ZFPM2: variants seen among roughly 807,000 people sequenced by gnomAD.
ZFPM2 encodes zinc finger protein ZFPM2.
ZFPM2 carries 20 observed loss-of-function variants against 98.6 expected under a neutral mutation model. The ratio of observed to expected loss-of-function variants is 0.20; its 90% CI spans 0.14 to 0.29. ZFPM2 has a LOEUF of 0.29. ZFPM2 is among the 10% of genes least tolerant of loss of function. The pLI is 1.00. For missense variants in ZFPM2, 1,310 were observed against 1,388.6 expected (o/e 0.94, Z 0.90); for synonymous variants, 518 against 502.7 (o/e 1.03, Z -0.41).
chr8:105,342,414 A>G (rs900944549), intron 1 of ZFPM2, among the ~76,000 whole-genome samples: 1 of 152,044 alleles, frequency 6.6e-6, no homozygotes, highest in Non-Finnish European at 1.5e-5. Context: ...CTCTTGATGG[A>G]AGGGCACAAC....
chr8:105,445,189 T>C (rs1372272701), intron 3 of ZFPM2, among the ~76,000 whole-genome samples: 1 of 152,180 alleles, frequency 6.6e-6, no homozygotes, highest in Non-Finnish European at 1.5e-5. Context: ...TGCAAATTGC[T>C]CTCTGCTGTA....
At position 105,543,304 on chromosome 8, in the gene ZFPM2, G is replaced by A. The variant is rs536936781; in HGVS notation, c.302-18059G>A. 3.9e-5 allele frequency among the ~76,000 whole-genome samples: 6 copies of A among 152,204 alleles called. No individual in the cohort carries two copies. The East Asian group carries it at 5.8e-4, about 15-fold the overall frequency. On this transcript the variant is annotated intron_variant, in intron 3 of 7. Transcript: ENST00000407775. Reference sequence around the variant, plus strand: ...AGTTTGAGGCCAGCCTGGGCAACACGGTGAAACTCCATCTCTACAGAAGAT... The same window carrying A: ...AGTTTGAGGCCAGCCTGGGCAACACAGTGAAACTCCATCTCTACAGAAGAT...
intron 4 of ZFPM2, among the ~76,000 whole-genome samples, chr8:105,586,652 A>T (rs1481244647): frequency 1.3e-5 from 2 of 151,340 alleles, no homozygotes; most frequent in Admixed American, 1.3e-4. Context: ...TGGACTCCTG[A>T]CCTGGTGATC....
chr8:105,363,846 G>T (rs959339408), intron 1 of ZFPM2, among the ~76,000 whole-genome samples: 1 of 152,066 alleles, frequency 6.6e-6, no homozygotes, highest in South Asian at 2.1e-4. Context: ...TAGGAAGAAA[G>T]ATCTATTGTT....
chr8:105,673,578 A>G lies in ZFPM2; in HGVS notation c.532+39221A>G, dbSNP rs1817637389. On this transcript the variant is annotated intron_variant, in intron 5 of 7. Transcript: ENST00000407775. ...AAATTACATTTCCTTCCTTTGGTGA[A>G]CACTGCCAGCTAGGTTCATAAAGAT... Among the ~76,000 whole-genome samples, 3 of 152,106 alleles carry G rather than the reference A, an allele frequency of 2.0e-5. No individual in the cohort carries two copies. The South Asian group carries it at 6.2e-4, about 31-fold the overall frequency.
intron 4 of ZFPM2, among the ~76,000 whole-genome samples, chr8:105,620,557 T>A (rs1816517821): frequency 6.6e-6 from 1 of 152,218 alleles, no homozygotes; most frequent in East Asian, 1.9e-4. Context: ...TTTGTCTATT[T>A]TGGCTTTTAT....
intron 5 of ZFPM2, among the ~76,000 whole-genome samples, chr8:105,656,448 A>T (rs1817287936): frequency 6.6e-6 from 1 of 152,224 alleles, no homozygotes; most frequent in South Asian, 2.1e-4. Context: ...CAGTTCAGTT[A>T]TAAATAAATC....
chr8:105,757,529 A>G (rs1398329771), intron 5 of ZFPM2, among the ~76,000 whole-genome samples: 1 of 152,206 alleles, frequency 6.6e-6, no homozygotes, highest in African/African-American at 2.4e-5. Context: ...CGTAGTTATT[A>G]TATTTGGAAT....
intron 3 of ZFPM2, among the ~76,000 whole-genome samples, chr8:105,552,812 CTTTTTTT>C (rs781365155): frequency 1.8e-4 from 20 of 112,464 alleles, no homozygotes; most frequent in African/African-American, 6.5e-4. Flanking sequence ...TTCAGATGTT[CTTTTTTT>C]TTTTTTTTTT....
intron 1 of ZFPM2, among the ~76,000 whole-genome samples, chr8:105,351,523 A>G (rs1424945437): frequency 1.3e-5 from 2 of 152,142 alleles, no homozygotes; most frequent in Non-Finnish European, 2.9e-5. Context: ...GTACTTACGT[A>G]AAAGATCCTG....
At chr8:105,779,896 G>A (rs1813201805) in intron 5 of ZFPM2, among the ~76,000 whole-genome samples, 1 of 152,148 alleles carries the variant, frequency 6.6e-6, no homozygotes, top group South Asian at 2.1e-4. Context: ...ATATAATCGA[G>A]TTTGAACTGT....
intron 4 of ZFPM2, among the ~76,000 whole-genome samples, chr8:105,572,076 C>T (rs559922475): frequency 8.9e-4 from 114 of 128,216 alleles, no homozygotes; most frequent in African/African-American, 3.1e-3. Flanking sequence ...CTGGCTCTGT[C>T]GCCCAGGCTG....
chr8:105,355,032 A>C (rs1443466672), intron 1 of ZFPM2, among the ~76,000 whole-genome samples: 14 of 152,236 alleles, frequency 9.2e-5, no homozygotes, highest in Non-Finnish European at 1.6e-4. Flanking sequence ...TTTCAGATGT[A>C]ACATGCTATT....
At chr8:105,383,462 G>T (rs1008063704) in intron 1 of ZFPM2, among the ~76,000 whole-genome samples, 2 of 152,000 alleles carry the variant, frequency 1.3e-5, no homozygotes, top group African/African-American at 2.4e-5. Flanking sequence ...GTATTATTTT[G>T]TTCTTCTGTT....
intron 3 of ZFPM2, among the ~76,000 whole-genome samples, chr8:105,475,941 T>G (rs1335640194): frequency 6.6e-6 from 1 of 152,190 alleles, no homozygotes. Context: ...GTATGCAACT[T>G]TATAAAACAA....
chr8:105,318,836 A>AGCCCGGCCGGCGGCGGGCCGT lies in ZFPM2; in HGVS notation c.-103_-102insCGGCCGGCGGCGGGCCGTGCC. ...CTGGAGTCCGGCCGGCGGCGGGCCG[A>AGCCCGGCCGGCGGCGGGCCGT]GCCTGGCCAGCGGCGGCGGCGGCGG... On this transcript the variant is annotated 5_prime_UTR_variant, in exon 1 of 8. Coordinates refer to ENST00000407775, the MANE Select transcript of ZFPM2 (RefSeq NM_012082.4). 1 of 644,230 alleles carries AGCCCGGCCGGCGGCGGGCCGT rather than the reference A, an allele frequency of 1.6e-6. No individual in the cohort carries two copies. Among genetic ancestry groups the AGCCCGGCCGGCGGCGGGCCGT allele is most frequent in the Non-Finnish European group, 1.9e-6 (1 of 527,868 alleles). The allele number at this position is 644,230 out of a possible 1,614,324, so 39.9% of individuals were successfully genotyped here.
chr8:105,559,016 T>C (rs184707064), intron 3 of ZFPM2, among the ~76,000 whole-genome samples: 87 of 152,268 alleles, frequency 5.7e-4, no homozygotes, highest in African/African-American at 2.1e-3. Flanking sequence ...AGAAAGTGAA[T>C]ATGCATATAT....
intron 5 of ZFPM2, among the ~76,000 whole-genome samples, chr8:105,758,804 CT>C (rs1338057301): frequency 6.6e-6 from 1 of 152,000 alleles, no homozygotes; most frequent in African/African-American, 2.4e-5. Context: ...GAAATCATGC[CT>C]CAGGTAGTTG....
chr8:105,750,148 T>G (rs376830854), intron 5 of ZFPM2, among the ~76,000 whole-genome samples: 4 of 152,074 alleles, frequency 2.6e-5, no homozygotes, highest in East Asian at 1.9e-4. Context: ...CAAAAACTCC[T>G]GCAGACTGAA....
Sources: allele counts gnomAD v4.1 joint callset (sites outside exome capture counted in the v4.1 genomes callset), GRCh38; gene constraint gnomAD v4.1.1; transcripts MANE v1.5; gene names NCBI Gene and HGNC (gene_info 2026-07-23, HGNC 2026-07-21).